C2: variants seen among roughly 807,000 people sequenced by gnomAD.
C2 encodes the protein complement C2.
Under a neutral mutation model 85.2 loss-of-function variants are expected in C2, and 64 were observed. The observed-to-expected ratio is 0.75, with a 90% CI of 0.61 to 0.92. The LOEUF (loss-of-function observed/expected upper bound fraction) is 0.92. C2 is among the 40% of genes least tolerant of loss of function. C2 has a pLI of 0.00. For synonymous variants in C2, 311 were observed against 370.8 expected (o/e 0.84, Z 1.85); for missense variants, 820 against 971.6 (o/e 0.84, Z 2.07).
intron 1 of C2, among the ~76,000 whole-genome samples, chr6:31,905,010 C>T (rs147623247): frequency 6.6e-6 from 1 of 152,224 alleles, no homozygotes; most frequent in African/African-American, 2.4e-5. Flanking sequence ...AGGGGGTTTA[C>T]AATCATCTAG....
upstream of C2, chr6:31,919,929 AG>A (rs1768849084): frequency 6.6e-6 from 1 of 152,250 alleles, no homozygotes; most frequent in Non-Finnish European, 1.5e-5. Context: ...CCTGTAGGGT[AG>A]CCGATCTTCT....
chr6:31,943,794 T>C lies in C2; in HGVS notation c.1718T>C (p.Met573Thr). 1 of 1,613,062 alleles carries C rather than the reference T, an allele frequency of 6.2e-7. No individual in the cohort carries two copies. The highest frequency in any genetic ancestry group is 8.5e-7 in the Non-Finnish European group (1 of 1,180,014). The change falls in exon 13 of 18, where the codon ATG becomes ACG. Residue 573 changes from methionine (M) to threonine (T), a missense_variant. Transcript: ENST00000299367. The surrounding 1 kb of genome is among the most constrained non-coding windows in gnomAD (Gnocchi z 6.4). ...CTGAAGCTGGCCCAGAAAGTAAAGATGTCCACCCATGCCAGGTGCCTGGAG... is the reference window on the plus strand; with the variant it reads ...CTGAAGCTGGCCCAGAAAGTAAAGACGTCCACCCATGCCAGGTGCCTGGAG... ...ALLKLAQKVK[M>T]STHARPICLP...
At position 31,935,771 on chromosome 6, in the gene C2, C is replaced by T; in HGVS notation, c.850-152C>T. 1 of 854,458 alleles carries T rather than the reference C, an allele frequency of 1.2e-6. No individual in the cohort carries two copies. Among genetic ancestry groups the T allele is most frequent in the South Asian group, 1.4e-5 (1 of 72,472 alleles). 52.9% of individuals were successfully genotyped at this position (854,458 alleles called of 1,614,324 possible). On this transcript the variant is annotated intron_variant, in intron 6 of 17. Transcript: ENST00000299367. This position sits in a 1 kb window ranked among gnomAD's most constrained non-coding sequence, Gnocchi z 4.3. ...ACCGCGCCCAGCCCCTAGCTTCTTC[C>T]TAACAGCCATTTCCTAGTGTCTCCC...
intron 1 of C2, among the ~76,000 whole-genome samples, chr6:31,913,232 C>G (rs956079531): frequency 6.6e-6 from 1 of 151,996 alleles, no homozygotes; most frequent in African/African-American, 2.4e-5. Flanking sequence ...AAGCATGCCA[C>G]CATGCCTGAC....
At chr6:31,923,823 G>A (rs913449576), upstream of C2, among the ~76,000 whole-genome samples, 1 of 132,946 alleles carries the variant, frequency 7.5e-6, no homozygotes, top group Admixed American at 8.5e-5. Context: ...TTTTTGAGAT[G>A]GAGTCTCGCT....
upstream of C2, chr6:31,899,850 C>T (rs1169792312): frequency 3.2e-5 from 47 of 1,460,160 alleles, no homozygotes; most frequent in Non-Finnish European, 4.3e-5. Context: ...CCCCACCCCC[C>T]AATTCTCCTG....
upstream of C2, among the ~76,000 whole-genome samples, chr6:31,924,139 TATTTA>T (rs1343822495): frequency 6.6e-6 from 1 of 152,222 alleles, no homozygotes; most frequent in Admixed American, 6.5e-5. Context: ...AATTCTATCT[TATTTA>T]AGTTACTGTA....
At chr6:31,914,069 A>G (rs933071487) in intron 1 of C2, among the ~76,000 whole-genome samples, 1 of 151,440 alleles carries the variant, frequency 6.6e-6, no homozygotes, top group Non-Finnish European at 1.5e-5. Flanking sequence ...TTACAGGCAC[A>G]TGCCAACACG....
intron 3 of C2, among the ~76,000 whole-genome samples, chr6:31,932,057 A>C (rs9267695): frequency 2.5e-5 from 3 of 119,658 alleles, no homozygotes; most frequent in African/African-American, 3.4e-5. Context: ...ACTTCCCAGC[A>C]GGGGCGGCCG....
chr6:31,919,299 C>G (rs1313994), upstream of C2, among the ~76,000 whole-genome samples: 10,759 of 152,092 alleles, frequency 0.071, 394 homozygotes, highest in African/African-American at 0.1. Flanking sequence ...TGCCTGCCAA[C>G]ACACCCGGCT....
At position 31,940,200 on chromosome 6, in the gene C2, G is replaced by C. The variant is rs57825471; in HGVS notation, c.1219+880G>C. ...CATCTGCAAAAGGGGAGTAGTACTA[G>C]GACCCAGCTCACAAGCTGACAGGGG... On this transcript the variant is annotated intron_variant, in intron 9 of 17. Coordinates refer to ENST00000299367, the MANE Select transcript of C2 (RefSeq NM_000063.6). Among the ~76,000 whole-genome samples, 263 of 152,322 alleles carry C rather than the reference G, an allele frequency of 1.7e-3. 7 individuals carry two copies. In the East Asian group the frequency reaches 0.049, roughly 29 times the overall value.
chr6:31,932,445 G>C (rs41289107), intron 3 of C2: 12 of 293,930 alleles, frequency 4.1e-5, no homozygotes, highest in Admixed American at 4.5e-5. Flanking sequence ...CAGACGGGGC[G>C]GCCGGGCAGA....
upstream of C2, among the ~76,000 whole-genome samples, chr6:31,924,109 C>G (rs1769137364): frequency 6.6e-6 from 1 of 152,190 alleles, no homozygotes; most frequent in African/African-American, 2.4e-5. Flanking sequence ...CTCTGAGGCT[C>G]TTATTTGAAA....
intron 6 of C2, chr6:31,934,514 A>T: frequency 7.8e-7 from 1 of 1,281,062 alleles, no homozygotes; most frequent in Non-Finnish European, 1.1e-6. Flanking sequence ...GGGCTGGGCG[A>T]CAGCAAAGAT....
chr6:31,934,208 T>G lies in C2; in HGVS notation c.758T>G (p.Leu253Arg). 6.2e-7 allele frequency: 1 copy of G among 1,614,238 alleles called. No homozygotes were observed. The highest frequency in any genetic ancestry group is 8.5e-7 in the Non-Finnish European group (1 of 1,180,030). The change falls in exon 6 of 18, where the codon CTG (leucine) becomes CGG (arginine). Residue 253 changes from leucine (L) to arginine (R), a missense_variant. Physicochemically the swap from Leu to Arg is moderately radical, Grantham distance 102. Coordinates refer to ENST00000299367, the MANE Select transcript of C2 (RefSeq NM_000063.6). The part of the protein sequence containing the change: ...RKIQIQRSGH[L>R]NLYLLLDCSQ... ...ATCCAAATCCAGCGCTCTGGTCATC[T>G]GAACCTCTACCTGCTCCTGGACTGT...
intron 3 of C2, among the ~76,000 whole-genome samples, chr6:31,930,118 G>A (rs1769617579): frequency 6.8e-6 from 1 of 146,474 alleles, no homozygotes; most frequent in African/African-American, 2.5e-5. Flanking sequence ...TCTAGCTCTT[G>A]TTGCCCAGGC....
At chr6:31,917,968 A>G (rs1768671369), upstream of C2, among the ~76,000 whole-genome samples, 1 of 151,412 alleles carries the variant, frequency 6.6e-6, no homozygotes, top group African/African-American at 2.4e-5. Flanking sequence ...AAGAAAAAAG[A>G]GAAATATTTT....
At chr6:31,931,678 C>T (rs1434701349) in intron 3 of C2, among the ~76,000 whole-genome samples, 1 of 152,160 alleles carries the variant, frequency 6.6e-6, no homozygotes, top group African/African-American at 2.4e-5. Flanking sequence ...TACACAGACA[C>T]GGCAACCATC....
chr6:31,909,661 G>T (rs1287960395), intron 1 of C2, among the ~76,000 whole-genome samples: 2 of 149,304 alleles, frequency 1.3e-5, no homozygotes, highest in Non-Finnish European at 3.0e-5. Context: ...GTCTCGAACT[G>T]CTAGGCTCAA....
Sources: gnomAD v4.1 joint callset for allele counts (sites outside exome capture counted in the v4.1 genomes callset) on GRCh38, gnomAD v4.1.1 for gene constraint, Gnocchi (gnomAD v3.1) non-coding constraint, MANE v1.5 for transcripts, NCBI Gene and HGNC (gene_info 2026-07-23, HGNC 2026-07-21) for gene names.